The following SUSD5 variants were observed in gnomAD, a reference collection of about 807,000 sequenced individuals.
SUSD5 encodes sushi domain-containing protein 5.
SUSD5 carries 33 observed loss-of-function variants against 29.5 expected under a neutral mutation model. The ratio of observed to expected loss-of-function variants is 1.12; its 90% CI spans 0.85 to 1.49. The LOEUF (loss-of-function observed/expected upper bound fraction) is 1.49, where lower values mean the gene tolerates loss of function less well. SUSD5 is among the 40% of genes most tolerant of loss of function. The pLI is 0.00. For missense variants in SUSD5, 776 were observed against 800.6 expected (o/e 0.97, Z 0.37); for synonymous variants, 308 against 325.3 (o/e 0.95, Z 0.57).
Position 33,153,455 on chromosome 3 carries a change from C to T in SUSD5, c.1177G>A (p.Asp393Asn), listed in dbSNP as rs768617902. The change falls in exon 5 of 5, where the codon GAC becomes AAC. Residue 393 changes from aspartate (D) to asparagine (N), a missense_variant. Coordinates refer to ENST00000309558, the MANE Select transcript of SUSD5 (RefSeq NM_015551.2). The stretch of plus-strand genomic sequence containing the variant: ...AGCCCTACTGACCCATCCCCTCTGT[C>T]CCCATCTTCTTCCTCTTCTGCCTCT... ...KTEAEEEEDG[D>N]RGDGSVGLDE... is the part of the protein sequence containing the mutation. 3 of 1,614,112 alleles carry T rather than the reference C, an allele frequency of 1.9e-6. No homozygotes were observed. The Admixed American group carries it at 5.0e-5, about 27-fold the overall frequency.
intron 1 of SUSD5, among the ~76,000 whole-genome samples, 154 bp downstream of exon 1, chr3:33,218,532 G>A (rs1305634401): frequency 6.6e-6 from 1 of 152,202 alleles, no homozygotes; most frequent in African/African-American, 2.4e-5. Flanking sequence ...CCAGGAGAGG[G>A]ATGCTGGGTC....
chr3:33,200,366 G>C (rs1349511709), intron 3 of SUSD5, among the ~76,000 whole-genome samples: 1 of 152,152 alleles, frequency 6.6e-6, no homozygotes, highest in Non-Finnish European at 1.5e-5. Context: ...ACAAGAAGTG[G>C]GGGGTTTGCT....
chr3:33,164,655 T>A (rs2031267317), intron 4 of SUSD5, among the ~76,000 whole-genome samples: 1 of 152,092 alleles, frequency 6.6e-6, no homozygotes, highest in South Asian at 2.1e-4. Flanking sequence ...CAGAATAATA[T>A]AAAGGACTCC....
intron 3 of SUSD5, among the ~76,000 whole-genome samples, chr3:33,176,301 T>C (rs781182202): frequency 6.6e-6 from 1 of 152,262 alleles, no homozygotes; most frequent in Non-Finnish European, 1.5e-5. Context: ...AAAGCTGCTA[T>C]ACACATCCAT....
At position 33,197,973 on chromosome 3, in the gene SUSD5, A is replaced by G. The variant is rs143125614; in HGVS notation, c.409+9835T>C. The stretch of plus-strand genomic sequence containing the variant: ...GTGGTCATACACTTCTCTTGGATCA[A>G]TACCCAGGCATGGAATTACTTGGTT... On this transcript the variant is annotated intron_variant, in intron 3 of 4. Coordinates refer to ENST00000309558, the MANE Select transcript of SUSD5 (RefSeq NM_015551.2). Among the ~76,000 whole-genome samples, 539 of 152,296 alleles carry G rather than the reference A, an allele frequency of 3.5e-3. 2 individuals carry two copies. The highest frequency in any genetic ancestry group is 0.011 in the African/African-American group (462 of 41,568).
intron 2 of SUSD5, 72 bp from the exon 3 acceptor site, chr3:33,207,998 G>A: frequency 8.8e-7 from 1 of 1,140,620 alleles, no homozygotes; most frequent in South Asian, 1.3e-5. Flanking sequence ...ATTCTCTTCT[G>A]CTGTCAGCTC....
intron 3 of SUSD5, among the ~76,000 whole-genome samples, chr3:33,182,478 T>C (rs1316395648): frequency 6.6e-6 from 1 of 152,246 alleles, no homozygotes; most frequent in Non-Finnish European, 1.5e-5. Flanking sequence ...ATGTGCTTGC[T>C]GATCTGCCTG....
rs375044032 is a variant in SUSD5 at position 33,214,811 on chromosome 3, G to C, written c.113-706C>G. Among the ~76,000 whole-genome samples the C allele has an allele frequency of 1.2e-4, 19 of 152,220 alleles. No homozygotes were observed. In the East Asian group the frequency reaches 1.7e-3, roughly 14 times the overall value. ...TTTTAAGCAAGGAAACCACGGTACC[G>C]GAGGGAGCACTGAGGTCCCCAGGAG... On this transcript the variant is annotated intron_variant, in intron 1 of 4. Transcript: ENST00000309558.
intron 3 of SUSD5, among the ~76,000 whole-genome samples, chr3:33,201,055 A>C (rs774848137): frequency 1.3e-5 from 2 of 152,210 alleles, no homozygotes; most frequent in Non-Finnish European, 2.9e-5. Context: ...ACAATGAGAA[A>C]CCCTGTTTTG....
At chr3:33,176,226 GTTTA>G (rs2031549498) in intron 3 of SUSD5, among the ~76,000 whole-genome samples, 1 of 152,180 alleles carries the variant, frequency 6.6e-6, no homozygotes, top group East Asian at 1.9e-4. Flanking sequence ...ATGTATCACA[GTTTA>G]TTTATCTATT....
intron 4 of SUSD5, among the ~76,000 whole-genome samples, chr3:33,174,197 G>A (rs1053040098): frequency 2.0e-5 from 3 of 152,174 alleles, no homozygotes; most frequent in Admixed American, 6.5e-5. Flanking sequence ...CAGCAAGCAA[G>A]TCTCATCCGT....
Position 33,167,716 on chromosome 3 carries a change from C to T in SUSD5, c.598+7170G>A, listed in dbSNP as rs1418616716. Among the ~76,000 whole-genome samples, 1 of 152,176 alleles carries T rather than the reference C, an allele frequency of 6.6e-6. No homozygotes were observed. The highest frequency in any genetic ancestry group is 6.5e-5 in the Admixed American group (1 of 15,282). ...AGTATCCAAAGCTTATTTTTCTCCCCATGGGGAACAGTAACATTTGTTATT... is the reference window on the plus strand; with the variant it reads ...AGTATCCAAAGCTTATTTTTCTCCCTATGGGGAACAGTAACATTTGTTATT... On this transcript the variant is annotated intron_variant, in intron 4 of 4. Transcript: ENST00000309558. The surrounding 1 kb of genome is among the most constrained non-coding windows in gnomAD (Gnocchi z 4.1).
intron 3 of SUSD5, among the ~76,000 whole-genome samples, chr3:33,182,946 T>G (rs1022530265): frequency 1.3e-5 from 2 of 148,660 alleles, no homozygotes; most frequent in African/African-American, 4.9e-5. Context: ...GCCACTACAC[T>G]AGGCTAATTT....
chr3:33,178,352 C>T (rs184907706), intron 3 of SUSD5, among the ~76,000 whole-genome samples: 121 of 151,964 alleles, frequency 8.0e-4, no homozygotes, highest in Non-Finnish European at 2.4e-4. Context: ...GTGTACAAAT[C>T]TTTGTATACA....
chr3:33,191,050 T>C (rs1469748834), intron 3 of SUSD5, among the ~76,000 whole-genome samples: 1 of 152,180 alleles, frequency 6.6e-6, no homozygotes, highest in Non-Finnish European at 1.5e-5. Context: ...ATAGAGTATA[T>C]ATAAGCTCCT....
rs1056525712 is a variant in SUSD5 at position 33,151,346 on chromosome 3, G to A, written c.*1396C>T. ...ACCACTGCCATAAACCATCCTCGCT[G>A]AGCCACCCTAAGATGATTTAGATGC... On this transcript the variant is annotated 3_prime_UTR_variant, in exon 5 of 5. Coordinates refer to ENST00000309558, the MANE Select transcript of SUSD5 (RefSeq NM_015551.2). 5.9e-5 allele frequency: 9 copies of A among 152,126 alleles called. No homozygotes were observed. The highest frequency in any genetic ancestry group is 2.2e-4 in the African/African-American group (9 of 41,416). The allele number at this position is 152,126 out of a possible 1,614,324, so 9.4% of individuals were successfully genotyped here. A position where few individuals can be genotyped will look rare whatever the true frequency, so the allele number is the denominator to read the frequency against.
chr3:33,171,928 G>C (rs1396501374), intron 4 of SUSD5, among the ~76,000 whole-genome samples: 1 of 152,066 alleles, frequency 6.6e-6, no homozygotes, highest in Non-Finnish European at 1.5e-5. Context: ...GTGTCTTTGA[G>C]GAACCCAGTT....
chr3:33,200,839 C>T (rs1179629779), intron 3 of SUSD5, among the ~76,000 whole-genome samples: 2 of 152,060 alleles, frequency 1.3e-5, no homozygotes, highest in Admixed American at 1.3e-4. Flanking sequence ...GTCCTAGGGT[C>T]TTATGGAAGG....
At chr3:33,171,399 G>A (rs895703101) in intron 4 of SUSD5, among the ~76,000 whole-genome samples, 2 of 151,530 alleles carry the variant, frequency 1.3e-5, no homozygotes, top group African/African-American at 4.8e-5. Context: ...TCAAGAAAAC[G>A]GTTTTCTCTT....
Sources: allele counts gnomAD v4.1 joint callset (sites outside exome capture counted in the v4.1 genomes callset), GRCh38; gene constraint gnomAD v4.1.1; non-coding constraint Gnocchi (gnomAD v3.1); transcripts MANE v1.5; gene names NCBI Gene and HGNC (gene_info 2026-07-23, HGNC 2026-07-21).